Variants in GRID2 observed in about 807,000 individuals in gnomAD.
The protein encoded by GRID2 is glutamate receptor ionotropic, delta-2.
A neutral mutation model predicts 114.8 loss-of-function variants in GRID2; 33 were observed. The observed-to-expected ratio is 0.29, with a 90% confidence interval of 0.22 to 0.38. GRID2 has a LOEUF of 0.38. Among genes scored for constraint, GRID2 ranks in the 10% least tolerant of loss-of-function variants. The pLI is 1.00. For missense variants in GRID2, 1,184 were observed against 1,257.7 expected, an observed-to-expected ratio of 0.94 and a Z score of 0.89; for synonymous variants, 505 against 449.9, an observed-to-expected ratio of 1.12 and a Z score of -1.55.
intron 12 of GRID2, among the ~76,000 whole-genome samples, chr4:93,491,779 T>C (rs1467697317): frequency 6.6e-6 from 1 of 151,892 alleles, no homozygotes; most frequent in African/African-American, 2.4e-5. Flanking sequence ...AATTCATTAG[T>C]AGCCACAAAA....
At chr4:92,970,668 C>T (rs1753448725) in intron 2 of GRID2, among the ~76,000 whole-genome samples, 1 of 151,752 alleles carries the variant, frequency 6.6e-6, no homozygotes, top group Non-Finnish European at 1.5e-5. Context: ...TAGTGAGAAA[C>T]TGTGTTTTAG....
intron 2 of GRID2, among the ~76,000 whole-genome samples, chr4:92,947,470 T>G (rs2149128603): frequency 6.6e-6 from 1 of 152,098 alleles, no homozygotes; most frequent in African/African-American, 2.4e-5. Context: ...TATGTGCTAC[T>G]TATGGAAGAA....
At chr4:92,414,259 A>G (rs929760830) in intron 1 of GRID2, among the ~76,000 whole-genome samples, 2 of 152,148 alleles carry the variant, frequency 1.3e-5, no homozygotes, top group Non-Finnish European at 2.9e-5. Context: ...AAAACATACT[A>G]GAGATATATA....
chr4:93,030,542 G>A (rs1028870668), intron 2 of GRID2, among the ~76,000 whole-genome samples: 11 of 151,790 alleles, frequency 7.2e-5, no homozygotes, highest in African/African-American at 1.2e-4. Flanking sequence ...GCACCACCAC[G>A]CCCAGCTAAT....
intron 1 of GRID2, among the ~76,000 whole-genome samples, chr4:92,510,558 A>T (rs1724193969): frequency 6.6e-6 from 1 of 151,846 alleles, no homozygotes; most frequent in Non-Finnish European, 1.5e-5. Flanking sequence ...AAGTTAAGAA[A>T]TAGTGGGTTG....
At chr4:93,329,349 T>A (rs1380568774) in intron 8 of GRID2, among the ~76,000 whole-genome samples, 2 of 152,178 alleles carry the variant, frequency 1.3e-5, no homozygotes, top group Non-Finnish European at 1.5e-5. Flanking sequence ...GTCTATAGTA[T>A]TTAAATGCTC....
intron 11 of GRID2, among the ~76,000 whole-genome samples, chr4:93,461,654 A>G (rs1723752375): frequency 6.6e-6 from 1 of 152,182 alleles, no homozygotes; most frequent in African/African-American, 2.4e-5. Context: ...AAAATAGCTC[A>G]GGGAATCCAA....
chr4:92,596,984 G>T (rs372991392), intron 2 of GRID2, among the ~76,000 whole-genome samples: 1 of 152,080 alleles, frequency 6.6e-6, no homozygotes, highest in Non-Finnish European at 1.5e-5. Flanking sequence ...TTAACTTGAG[G>T]TTTAATTGTG....
intron 14 of GRID2, among the ~76,000 whole-genome samples, chr4:93,690,059 T>G (rs1378204005): frequency 1.3e-5 from 2 of 152,112 alleles, no homozygotes; most frequent in African/African-American, 4.8e-5. Context: ...TAATTTTATA[T>G]CTTCCTTTTA....
At chr4:92,481,698 G>GATCTCAAACT (rs1722596273) in intron 1 of GRID2, among the ~76,000 whole-genome samples, 1 of 151,552 alleles carries the variant, frequency 6.6e-6, no homozygotes, top group Non-Finnish European at 1.5e-5. Context: ...GCTCTTTTTT[G>GATCTCAAACT]GTTCCAGATG....
intron 2 of GRID2, among the ~76,000 whole-genome samples, chr4:92,645,653 T>C (rs1378822514): frequency 6.6e-6 from 1 of 151,660 alleles, no homozygotes; most frequent in East Asian, 1.9e-4. Context: ...CAAGCCCCCA[T>C]CTCCCTGCTC....
chr4:92,418,871 A>G (rs1731751538), intron 1 of GRID2, among the ~76,000 whole-genome samples: 1 of 151,922 alleles, frequency 6.6e-6, no homozygotes, highest in Non-Finnish European at 1.5e-5. Flanking sequence ...TAATAATAAC[A>G]TGTTGGCCTT....
At chr4:93,426,366 C>T (rs1768850542) in intron 10 of GRID2, among the ~76,000 whole-genome samples, 1 of 151,948 alleles carries the variant, frequency 6.6e-6, no homozygotes, top group Admixed American at 6.6e-5. Flanking sequence ...TGATCTGAAC[C>T]CAGATTAGCA....
At chr4:92,750,061 A>G (rs974094753) in intron 2 of GRID2, among the ~76,000 whole-genome samples, 19 of 152,208 alleles carry the variant, frequency 1.2e-4, no homozygotes, top group African/African-American at 4.3e-4. Flanking sequence ...GGGTTTCTCC[A>G]TATTGCTCAG....
intron 2 of GRID2, among the ~76,000 whole-genome samples, chr4:92,927,081 A>G (rs1427919371): frequency 6.6e-6 from 1 of 151,932 alleles, no homozygotes; most frequent in Non-Finnish European, 1.5e-5. Flanking sequence ...AAAATGAGAC[A>G]ACATCTTTAA....
At chr4:92,531,867 G>T (rs1725374430) in intron 1 of GRID2, among the ~76,000 whole-genome samples, 1 of 152,134 alleles carries the variant, frequency 6.6e-6, no homozygotes, top group African/African-American at 2.4e-5. Flanking sequence ...ATTAATGAGA[G>T]CATGGTCAAA....
chr4:92,657,718 G>A (rs1296096048), intron 2 of GRID2, among the ~76,000 whole-genome samples: 1 of 151,620 alleles, frequency 6.6e-6, no homozygotes, highest in African/African-American at 2.4e-5. Context: ...TGCAGGATTA[G>A]TTTATTTTAA....
At chr4:93,307,229 AT>A (rs1487976751) in intron 8 of GRID2, among the ~76,000 whole-genome samples, 2 of 151,710 alleles carry the variant, frequency 1.3e-5, no homozygotes, top group East Asian at 1.9e-4. Flanking sequence ...AAAAAAAAAA[AT>A]AAGAGGAAAA....
At chr4:92,688,973 T>G (rs1158496461) in intron 2 of GRID2, among the ~76,000 whole-genome samples, 3 of 152,202 alleles carry the variant, frequency 2.0e-5, no homozygotes, top group Non-Finnish European at 4.4e-5. Context: ...ATGGGTGTTG[T>G]GTTAAAAAGT....
Sources: allele counts gnomAD v4.1 joint callset (sites outside exome capture counted in the v4.1 genomes callset), GRCh38; gene constraint gnomAD v4.1.1; transcripts MANE v1.5; gene names NCBI Gene and HGNC (gene_info 2026-07-23, HGNC 2026-07-21).